SERGEF: variants seen among roughly 807,000 people sequenced by gnomAD.
The protein encoded by SERGEF is secretion-regulating guanine nucleotide exchange factor.
Under a neutral mutation model 50.0 loss-of-function variants are expected in SERGEF, and 51 were observed. The observed-to-expected ratio is 1.02, with a 90% CI of 0.81 to 1.29. SERGEF has a LOEUF of 1.29. Ranked by LOEUF, SERGEF falls within the 50% of genes most tolerant of loss-of-function variation. The pLI, the probability that SERGEF is intolerant of heterozygous loss-of-function variation, is 0.00. For missense variants in SERGEF, 521 were observed against 557.0 expected (o/e 0.94, Z 0.65); for synonymous variants, 205 against 212.4 (o/e 0.97, Z 0.30).
intron 9 of SERGEF, among the ~76,000 whole-genome samples, chr11:17,954,574 T>C (rs2237914): frequency 0.37 from 56,925 of 152,104 alleles, 10,959 homozygotes; most frequent in East Asian, 0.5. Flanking sequence ...GGTTGATCCT[T>C]TAGCAGTTTT....
chr11:17,831,527 G>T (rs535669004), intron 10 of SERGEF, among the ~76,000 whole-genome samples: 35 of 152,202 alleles, frequency 2.3e-4, no homozygotes, highest in Admixed American at 5.2e-4. Context: ...AGCCAGAATA[G>T]TAGCTGGCAA....
rs184596118 is a variant in SERGEF, at chr11:17,788,546, G to A, written c.1049-133C>T. 470 of 698,662 alleles carry A rather than the reference G, an allele frequency of 6.7e-4. 2 individuals are homozygous for A. The African/African-American group carries it at 7.9e-3, about 12-fold the overall frequency. The allele number at this position is 698,662 out of a possible 1,614,324, so 43.3% of individuals were successfully genotyped here. A position where few individuals can be genotyped will look rare whatever the true frequency, so the allele number is the denominator to read the frequency against. The stretch of plus-strand genomic sequence containing the variant: ...ACGCCAAAGCTTAAGGACACATGGC[G>A]GCATCCTCCCCATCCCTACTTCCTT... On this transcript the variant is annotated intron_variant, in intron 10 of 10. Transcript: ENST00000265965.
intron 10 of SERGEF, among the ~76,000 whole-genome samples, chr11:17,819,424 G>A (rs1354946449): frequency 2.0e-5 from 3 of 152,198 alleles, no homozygotes; most frequent in Non-Finnish European, 4.4e-5. Flanking sequence ...TTCCAGGGGT[G>A]TGCCACTCAC....
At chr11:17,990,997 G>A (rs540607680) in intron 7 of SERGEF, among the ~76,000 whole-genome samples, 230 of 152,040 alleles carry the variant, frequency 1.5e-3, no homozygotes, top group African/African-American at 5.3e-3. Context: ...TAGACCAGTG[G>A]CCAGGCTGGT....
intron 10 of SERGEF, among the ~76,000 whole-genome samples, chr11:17,800,780 G>A (rs1849654429): frequency 6.6e-6 from 1 of 152,162 alleles, no homozygotes; most frequent in Non-Finnish European, 1.5e-5. Flanking sequence ...AACTTGGCAG[G>A]CAGAAGAAAT....
intron 10 of SERGEF, among the ~76,000 whole-genome samples, chr11:17,819,993 A>G (rs1053957725): frequency 1.3e-5 from 2 of 152,010 alleles, no homozygotes; most frequent in African/African-American, 4.8e-5. Flanking sequence ...GCACACCACC[A>G]CACTTGGCTA....
intron 10 of SERGEF, among the ~76,000 whole-genome samples, chr11:17,809,410 G>A (rs950518941): frequency 2.0e-5 from 3 of 152,236 alleles, no homozygotes; most frequent in Non-Finnish European, 2.9e-5. Context: ...AAGCCACTAA[G>A]GCTTTTGGAC....
chr11:17,973,900 A>T (rs1447058699), intron 8 of SERGEF, among the ~76,000 whole-genome samples: 2 of 152,192 alleles, frequency 1.3e-5, no homozygotes, highest in African/African-American at 4.8e-5. Context: ...TCACCGAAGG[A>T]GGCCACTGAG....
intron 10 of SERGEF, among the ~76,000 whole-genome samples, chr11:17,789,176 G>A (rs1012013327): frequency 4.6e-5 from 7 of 152,070 alleles, no homozygotes; most frequent in African/African-American, 1.2e-4. Flanking sequence ...TCCAGTTGTC[G>A]CTCAGAGGCC....
At chr11:17,794,744 G>A (rs945002256) in intron 10 of SERGEF, among the ~76,000 whole-genome samples, 3 of 152,174 alleles carry the variant, frequency 2.0e-5, no homozygotes, top group Non-Finnish European at 4.4e-5. Flanking sequence ...AGCTGGATTC[G>A]AACCCAGACA....
chr11:17,878,788 C>A (rs1019523675), intron 9 of SERGEF, among the ~76,000 whole-genome samples: 8 of 152,228 alleles, frequency 5.3e-5, no homozygotes, highest in Non-Finnish European at 1.2e-4. Context: ...TTCTCTCACA[C>A]CTCTAGCCCC....
At chr11:18,002,703 T>A (rs1275876194) in intron 4 of SERGEF, among the ~76,000 whole-genome samples, 1 of 152,198 alleles carries the variant, frequency 6.6e-6, no homozygotes, top group African/African-American at 2.4e-5. Flanking sequence ...TACATTTAAG[T>A]ATTTATGTGC....
chr11:17,909,147 TA>T (rs1203521287), intron 9 of SERGEF, among the ~76,000 whole-genome samples: 2 of 152,232 alleles, frequency 1.3e-5, no homozygotes, highest in Non-Finnish European at 2.9e-5. Flanking sequence ...CTCCACCACT[TA>T]CTACCTCTGT....
intron 6 of SERGEF, among the ~76,000 whole-genome samples, chr11:17,993,632 G>C (rs996814081): frequency 6.6e-6 from 1 of 152,242 alleles, no homozygotes; most frequent in South Asian, 2.1e-4. Context: ...GCAGATAGAC[G>C]CAGACTTATT....
At chr11:17,822,219 C>T (rs187301392) in intron 10 of SERGEF, among the ~76,000 whole-genome samples, 138 of 152,228 alleles carry the variant, frequency 9.1e-4, no homozygotes, top group Middle Eastern at 6.8e-3. Context: ...CTGAAAGAAC[C>T]CAGCAGGCAG....
At chr11:17,975,157 C>A (rs1416111951) in intron 8 of SERGEF, among the ~76,000 whole-genome samples, 1 of 152,182 alleles carries the variant, frequency 6.6e-6, no homozygotes, top group Admixed American at 6.5e-5. Flanking sequence ...GTGATCTTGA[C>A]CTGCAATTCA....
intron 2 of SERGEF, 88 bp from the exon 3 acceptor site, chr11:18,006,834 C>T: frequency 1.4e-6 from 2 of 1,462,544 alleles, no homozygotes; most frequent in South Asian, 1.2e-5. Context: ...ATTATTTGGA[C>T]TCTCAGACCA....
At chr11:17,944,820 T>G (rs1318803046) in intron 9 of SERGEF, among the ~76,000 whole-genome samples, 2 of 152,176 alleles carry the variant, frequency 1.3e-5, no homozygotes, top group Non-Finnish European at 2.9e-5. Context: ...TTCATAAAAC[T>G]TTTCCAAATA....
At chr11:17,874,377 G>A (rs1222314228) in intron 10 of SERGEF, 1 of 152,218 alleles carries the variant, frequency 6.6e-6, no homozygotes, top group Non-Finnish European at 1.5e-5. Context: ...TCTCTTTTCT[G>A]ATTGTCACCT....
Sources: allele counts gnomAD v4.1 joint callset (sites outside exome capture counted in the v4.1 genomes callset), GRCh38; gene constraint gnomAD v4.1.1; transcripts MANE v1.5; gene names NCBI Gene and HGNC (gene_info 2026-07-23, HGNC 2026-07-21).